Variants in LMAN2L observed in about 807,000 individuals in gnomAD.
LMAN2L encodes the protein VIP36-like protein.
A neutral mutation model predicts 44.3 loss-of-function variants in LMAN2L; 30 were observed. That is an observed-to-expected ratio of 0.68 (90% CI 0.51 to 0.92). LMAN2L has a LOEUF of 0.92. Ranked by LOEUF, LMAN2L falls within the 40% of genes least tolerant of loss-of-function variation. The probability of loss-of-function intolerance (pLI) is 0.00; values close to 1 mark genes in which losing one functional copy is unlikely to be tolerated. For missense variants in LMAN2L, 429 were observed against 446.1 expected, an observed-to-expected ratio of 0.96 and a Z score of 0.35; for synonymous variants, 183 against 171.1, an observed-to-expected ratio of 1.07 and a Z score of -0.54.
intron 4 of LMAN2L, among the ~76,000 whole-genome samples, chr2:96,714,892 TC>T (rs2078008197): frequency 1.3e-5 from 2 of 152,148 alleles, no homozygotes; most frequent in Admixed American, 1.3e-4. Flanking sequence ...CATGGGTCCC[TC>T]AGTCAAAGAG....
At chr2:96,734,807 A>G in intron 2 of LMAN2L, 1 of 402,264 alleles carries the variant, frequency 2.5e-6, no homozygotes, top group South Asian at 3.0e-5. Context: ...AAAAGACAAG[A>G]GTGTACCAAA....
chr2:96,729,353 G>A (rs575140155), intron 4 of LMAN2L, among the ~76,000 whole-genome samples: 124 of 151,914 alleles, frequency 8.2e-4, no homozygotes, highest in Non-Finnish European at 1.6e-3. Flanking sequence ...CTATTACCTT[G>A]AAACAGACAC....
At chr2:96,718,542 T>C (rs2078088014) in intron 4 of LMAN2L, among the ~76,000 whole-genome samples, 1 of 152,180 alleles carries the variant, frequency 6.6e-6, no homozygotes, top group African/African-American at 2.4e-5. Context: ...TGCTACTAAA[T>C]GTGAAGCATC....
intron 6 of LMAN2L, among the ~76,000 whole-genome samples, chr2:96,708,387 A>C (rs1187610690): frequency 6.6e-6 from 1 of 152,270 alleles, no homozygotes; most frequent in Admixed American, 6.5e-5. Flanking sequence ...AAATGTTCTA[A>C]GCACATTTAA....
At chr2:96,734,338 C>T (rs1574029420) in intron 3 of LMAN2L, 71 bp downstream of exon 3, 1 of 945,796 alleles carries the variant, frequency 1.1e-6, no homozygotes, top group East Asian at 2.4e-5. Flanking sequence ...GGGAAGGAAC[C>T]TTTTCAAAAA....
At chr2:96,715,922 A>G (rs757937655) in intron 4 of LMAN2L, among the ~76,000 whole-genome samples, 5 of 152,220 alleles carry the variant, frequency 3.3e-5, no homozygotes, top group Non-Finnish European at 5.9e-5. Context: ...AGAACAATAC[A>G]AAGCTCACAG....
At chr2:96,727,085 A>G (rs2078287444) in intron 4 of LMAN2L, among the ~76,000 whole-genome samples, 1 of 152,106 alleles carries the variant, frequency 6.6e-6, no homozygotes, top group Admixed American at 6.6e-5. Context: ...CTCTATCTCA[A>G]AAAAACATAA....
At chr2:96,725,266 C>T (rs2078246058) in intron 4 of LMAN2L, among the ~76,000 whole-genome samples, 1 of 151,974 alleles carries the variant, frequency 6.6e-6, no homozygotes, top group Admixed American at 6.6e-5. Context: ...CACGCCTGGC[C>T]TAATTTTATT....
chr2:96,738,778 T>C (rs1034951612), intron 1 of LMAN2L, among the ~76,000 whole-genome samples: 2 of 152,054 alleles, frequency 1.3e-5, no homozygotes, highest in Non-Finnish European at 2.9e-5. Context: ...TCTCGCTCTG[T>C]TGCCCAGGCT....
intron 6 of LMAN2L, among the ~76,000 whole-genome samples, chr2:96,708,630 G>C (rs1398158081): frequency 6.6e-6 from 1 of 152,142 alleles, no homozygotes; most frequent in Admixed American, 6.6e-5. Context: ...CGCTGGTGAA[G>C]ACCACACACG....
intron 4 of LMAN2L, among the ~76,000 whole-genome samples, chr2:96,721,677 C>T (rs963301010): frequency 2.6e-5 from 4 of 151,878 alleles, no homozygotes; most frequent in African/African-American, 9.7e-5. Flanking sequence ...ATGGGGTCTC[C>T]CTATGTTGCC....
chr2:96,709,761 T>C (rs1416618695), intron 6 of LMAN2L, among the ~76,000 whole-genome samples: 1 of 152,202 alleles, frequency 6.6e-6, no homozygotes, highest in African/African-American at 2.4e-5. Flanking sequence ...AGTAAGAGGA[T>C]GGCAACAAGA....
At chr2:96,724,925 G>A (rs187939128) in intron 4 of LMAN2L, among the ~76,000 whole-genome samples, 92 of 151,710 alleles carry the variant, frequency 6.1e-4, no homozygotes, top group African/African-American at 1.9e-3. Flanking sequence ...TCCGCTTCCC[G>A]GGTTCATGCC....
intron 4 of LMAN2L, among the ~76,000 whole-genome samples, chr2:96,728,920 C>T (rs2078332618): frequency 6.6e-6 from 1 of 151,558 alleles, no homozygotes; most frequent in African/African-American, 2.4e-5. Flanking sequence ...CCCCTGTAAT[C>T]TCAGCATTTT....
At position 96,711,856 on chromosome 2, in the gene LMAN2L, A is replaced by T. The variant is rs1348237764; in HGVS notation, c.669+8T>A. ...CACCACCATCTGGTCCAGGACAAGG[A>T]CTCTCACCGTCAAATGCCTCTTGAC... On this transcript the variant is annotated splice_region_variant and intron_variant, in intron 5 of 7. Coordinates refer to ENST00000264963, the MANE Select transcript of LMAN2L (RefSeq NM_030805.4). 6.2e-7 allele frequency: 1 copy of T among 1,614,076 alleles called. No homozygotes were observed. Among genetic ancestry groups the T allele is most frequent in the South Asian group, 1.1e-5 (1 of 91,076 alleles).
chr2:96,706,480 CTT>C lies in LMAN2L; in HGVS notation c.*774_*775del, dbSNP rs1262879702. On this transcript the variant is annotated 3_prime_UTR_variant, in exon 8 of 8. Coordinates refer to ENST00000264963, the MANE Select transcript of LMAN2L (RefSeq NM_030805.4). ...CATCCATGATGTCTTCCAGGCTTCT[CTT>C]GATTTTTACACCAACCTTTAGCCAA... The C allele has an allele frequency of 6.6e-6, 1 of 152,218 alleles. No homozygotes were observed. Among genetic ancestry groups the C allele is most frequent in the Admixed American group, 6.5e-5 (1 of 15,284 alleles). The allele number at this position is 152,218 out of a possible 1,614,324, so 9.4% of individuals were successfully genotyped here. A position where few individuals can be genotyped will look rare whatever the true frequency, so the allele number is the denominator to read the frequency against.
In LMAN2L at chr2:96,740,020, G is replaced by C; in HGVS notation, c.21C>G (p.Pro7=). MAATLG[P]LGSWQQWRRC... is the part of the protein sequence containing the mutation. The stretch of plus-strand genomic sequence containing the variant: ...GCCGCCACTGCTGCCACGACCCAAG[G>C]GGTCCCAGAGTCGCCGCCATCTTTC... Residue 7 remains proline (P), a synonymous_variant, in exon 1 of 8, where the codon CCC becomes CCG. Transcript: ENST00000264963. 1.2e-6 allele frequency: 2 copies of C among 1,610,794 alleles called. No homozygotes were observed. The highest frequency in any genetic ancestry group is 2.2e-5 in the East Asian group (1 of 44,816).
chr2:96,738,048 G>A lies in LMAN2L; in HGVS notation c.207C>T (p.Ser69=). ...KPYQGVGTGS[S]SLWNLMGNAM... The stretch of plus-strand genomic sequence containing the variant: ...CATTGCCCATCAGATTCCACAGTGA[G>A]GAACTGCCTGTGCCCACACCTACAG... Residue 69 remains serine (S), a synonymous_variant, in exon 2 of 8, where the codon TCC becomes TCT. Coordinates refer to ENST00000264963, the MANE Select transcript of LMAN2L (RefSeq NM_030805.4). 6.2e-7 allele frequency: 1 copy of A among 1,613,666 alleles called. No individual in the cohort carries two copies. Among genetic ancestry groups the A allele is most frequent in the Non-Finnish European group, 8.5e-7 (1 of 1,179,592 alleles).
At chr2:96,728,354 C>A (rs182859296) in intron 4 of LMAN2L, among the ~76,000 whole-genome samples, 1 of 151,734 alleles carries the variant, frequency 6.6e-6, no homozygotes, top group Non-Finnish European at 1.5e-5. Flanking sequence ...AAAAATTAGC[C>A]GGGCGTGGTT....
Sources: gnomAD v4.1 joint callset for allele counts (sites outside exome capture counted in the v4.1 genomes callset) on GRCh38, gnomAD v4.1.1 for gene constraint, MANE v1.5 for transcripts, NCBI Gene and HGNC (gene_info 2026-07-23, HGNC 2026-07-21) for gene names.